Variants in SIX1 observed in about 807,000 individuals in gnomAD.
The protein encoded by SIX1 is SIX homeobox 1.
In SIX1, 11 loss-of-function variants were observed where a neutral mutation model predicts 26.5. That is an observed-to-expected ratio of 0.41 (90% confidence interval 0.26 to 0.69). The LOEUF (loss-of-function observed/expected upper bound fraction) is 0.69, where lower values mean the gene tolerates loss of function less well. SIX1 is among the 30% of genes least tolerant of loss of function. The probability of loss-of-function intolerance (pLI) is 0.28; values close to 1 mark genes in which losing one functional copy is unlikely to be tolerated. For missense variants in SIX1, 333 were observed against 365.9 expected (o/e 0.91, Z 0.73); for synonymous variants, 177 against 166.2 (o/e 1.06, Z -0.50).
rs1337123501 is a variant in SIX1, at chr14:60,646,504, G to A, written c.634C>T (p.Leu212Phe). 4 of 1,613,624 alleles carry A rather than the reference G, an allele frequency of 2.5e-6. No homozygotes were observed. The highest frequency in any genetic ancestry group is 3.4e-6 in the Non-Finnish European group (4 of 1,179,974). The change falls in exon 2 of 2, where the codon CTC (leucine) becomes TTC (phenylalanine). Residue 212 changes from leucine to phenylalanine, a missense_variant. Physicochemically the swap from Leu to Phe is conservative, Grantham distance 22. Coordinates refer to ENST00000645694, the MANE Select transcript of SIX1 (RefSeq NM_005982.4). Reference protein sequence around the residue: ...QLSPLEGGKPLMSSSEEEFSP... With the variant: ...QLSPLEGGKPFMSSSEEEFSP... ...AATTCCTCTTCTGAGCTGGACATGA[G>A]CGGCTTGCCCCCTTCCAGAGGAGAG...
At position 60,648,512 on chromosome 14, in the gene SIX1, G is replaced by A; in HGVS notation, c.560+118C>T. The A allele has an allele frequency of 9.9e-7, 1 of 1,012,494 alleles. No homozygotes were observed. The highest frequency in any genetic ancestry group is 1.5e-5 in the South Asian group (1 of 66,410). 62.7% of individuals were successfully genotyped at this position (1,012,494 alleles called of 1,614,324 possible). A position where few individuals can be genotyped will look rare whatever the true frequency, so the allele number is the denominator to read the frequency against. On this transcript the variant is annotated intron_variant, in intron 1 of 1. Coordinates refer to ENST00000645694, the MANE Select transcript of SIX1 (RefSeq NM_005982.4). The surrounding 1 kb of genome is among the most constrained non-coding windows in gnomAD (Gnocchi z 7.9). Reference sequence around the variant, plus strand: ...GCGGAGGGCCTGCGCGCCGCCCCGTGGACGGGCTCCGGCCGGCGGGGAGGA... The same window carrying A: ...GCGGAGGGCCTGCGCGCCGCCCCGTAGACGGGCTCCGGCCGGCGGGGAGGA...
Position 60,649,022 on chromosome 14 carries a change from G to A in SIX1, c.168C>T (p.Val56=). The change falls in exon 1 of 2, where the codon GTC becomes GTT. Residue 56 remains valine (V), a synonymous_variant. Transcript: ENST00000645694. This position sits in a 1 kb window ranked among gnomAD's most constrained non-coding sequence, Gnocchi z 5.1. The stretch of plus-strand genomic sequence containing the variant: ...CACGGAAGTTGCCGCGGTGGAAGGC[G>A]ACCACCGCCTTGGCCTTGAGTACGC... ...NESVLKAKAV[V]AFHRGNFREL... 6.2e-7 allele frequency: 1 copy of A among 1,613,932 alleles called. No individual in the cohort carries two copies. The highest frequency in any genetic ancestry group is 1.1e-5 in the South Asian group (1 of 91,064).
rs1430251550 is a variant in SIX1, at chr14:60,647,727, A to G, written c.560+903T>C. On this transcript the variant is annotated intron_variant, in intron 1 of 1. Transcript: ENST00000645694. The surrounding 1 kb of genome is among the most constrained non-coding windows in gnomAD (Gnocchi z 5.1). ...TCCCCCAAACTCTTTGGCTTCGCGGAGCGCTCTCCCCGCCACAGCCACCTC... is the reference window on the plus strand; with the variant it reads ...TCCCCCAAACTCTTTGGCTTCGCGGGGCGCTCTCCCCGCCACAGCCACCTC... Among the ~76,000 whole-genome samples the G allele has an allele frequency of 6.6e-6, 1 of 152,056 alleles. No individual in the cohort carries two copies. The highest frequency in any genetic ancestry group is 1.9e-4 in the East Asian group (1 of 5,180).
rs1309477905 is a variant in SIX1 at position 60,645,986 on chromosome 14, ACTGGGTGC to A, written c.*289_*296del. 5.9e-5 allele frequency: 12 copies of A among 201,708 alleles called. No homozygotes were observed. The highest frequency in any genetic ancestry group is 1.2e-4 in the Non-Finnish European group (12 of 101,994). 12.5% of individuals were successfully genotyped at this position (201,708 alleles called of 1,614,324 possible). On this transcript the variant is annotated 3_prime_UTR_variant, in exon 2 of 2. Transcript: ENST00000645694. The surrounding 1 kb of genome is among the most constrained non-coding windows in gnomAD (Gnocchi z 4.6). Reference sequence around the variant, plus strand: ...GGCGTATCAGTTGCCCAGAACTCAGACTGGGTGCCTGGGTGCTTTTGTTTGTTTGGGTT... The same window carrying A: ...GGCGTATCAGTTGCCCAGAACTCAGACTGGGTGCTTTTGTTTGTTTGGGTT...
rs73309461 is a variant in SIX1 at position 60,648,860 on chromosome 14, C to T, written c.330G>A (p.Arg110=). Residue 110 remains arginine (R), a synonymous_variant, in exon 1 of 2, where the codon CGG becomes CGA. Coordinates refer to ENST00000645694, the MANE Select transcript of SIX1 (RefSeq NM_005982.4). This position sits in a 1 kb window ranked among gnomAD's most constrained non-coding sequence, Gnocchi z 7.9. ...GCGGCAGTGGAAATTTTCGGCGCAC[C>T]CGATATTTGCCCACGGCGCCCAGGG... is the stretch of plus-strand genomic sequence containing the variant. The part of the protein sequence containing the change: ...GRPLGAVGKY[R]VRRKFPLPRT... 1.2e-4 allele frequency: 187 copies of T among 1,614,234 alleles called. No homozygotes were observed. In the African/African-American group the frequency reaches 2.3e-3, roughly 20 times the overall value.
rs202018835 is a variant in SIX1, at chr14:60,646,406, T to G, written c.732A>C (p.Ser244=). 1.9e-5 allele frequency: 30 copies of G among 1,614,070 alleles called. No individual in the cohort carries two copies. The highest frequency in any genetic ancestry group is 2.2e-5 in the Non-Finnish European group (26 of 1,180,018). The part of the protein sequence containing the change: ...LQGNMGHARS[S]NYSLPGLTAS... ...CTGTTAAGCCCGGGAGAGAATAGTT[T>G]GAGCTCCTGGCGTGGCCCATATTGC... The change falls in exon 2 of 2, where the codon TCA becomes TCC. Residue 244 remains serine, a synonymous_variant. Transcript: ENST00000645694.
chr14:60,645,059 A>AT lies in SIX1; in HGVS notation c.*1223dup, dbSNP rs1157717881. 1 of 152,218 alleles carries AT rather than the reference A, an allele frequency of 6.6e-6. No individual in the cohort carries two copies. The highest frequency in any genetic ancestry group is 1.5e-5 in the Non-Finnish European group (1 of 68,034). 9.4% of individuals were successfully genotyped at this position (152,218 alleles called of 1,614,324 possible). ...GTGGTAAACAAAATTGCATATCTAA[A>AT]TAATAGAAGTTAATAAATACCCCAA... On this transcript the variant is annotated 3_prime_UTR_variant, in exon 2 of 2. Coordinates refer to ENST00000645694, the MANE Select transcript of SIX1 (RefSeq NM_005982.4). The surrounding 1 kb of genome is among the most constrained non-coding windows in gnomAD (Gnocchi z 4.6).
At position 60,646,203 on chromosome 14, in the gene SIX1, G is replaced by A. The variant is rs1894937246; in HGVS notation, c.*80C>T. 1.5e-6 allele frequency: 2 copies of A among 1,373,314 alleles called. No individual in the cohort carries two copies. Among genetic ancestry groups the A allele is most frequent in the Non-Finnish European group, 2.0e-6 (2 of 999,076 alleles). 85.1% of individuals were successfully genotyped at this position (1,373,314 alleles called of 1,614,324 possible). ...AGAAACAAGCTGCAAAAATGTTCCT[G>A]ATTTCTATTTACAAGTGTCCCTAGT... On this transcript the variant is annotated 3_prime_UTR_variant, in exon 2 of 2. Coordinates refer to ENST00000645694, the MANE Select transcript of SIX1 (RefSeq NM_005982.4).
Position 60,648,587 on chromosome 14 carries a change from G to C in SIX1, c.560+43C>G. 6.4e-7 allele frequency: 1 copy of C among 1,559,882 alleles called. No homozygotes were observed. Among genetic ancestry groups the C allele is most frequent in the South Asian group, 1.2e-5 (1 of 86,286 alleles). ...CGGGAGGGGGCGGAGGAGAAAGGACGGCTTCCTAGGGTCGCCCGAGTCGCG... is the reference window on the plus strand; with the variant it reads ...CGGGAGGGGGCGGAGGAGAAAGGACCGCTTCCTAGGGTCGCCCGAGTCGCG... On this transcript the variant is annotated intron_variant, in intron 1 of 1. Transcript: ENST00000645694. The surrounding 1 kb of genome is among the most constrained non-coding windows in gnomAD (Gnocchi z 7.9).
rs1555365982 is a variant in SIX1 at position 60,643,422 on chromosome 14, T to TTTG, written c.*2860_*2861insCAA. On this transcript the variant is annotated 3_prime_UTR_variant, in exon 2 of 2. Transcript: ENST00000645694. ...TAAAAAATAAACATCACTCGAGTGT[T>TTTG]TTTTTTTTTTTTCATTTCACTTGGC... The TTTG allele has an allele frequency of 2.7e-5, 4 of 148,330 alleles. No homozygotes were observed. Among genetic ancestry groups the TTTG allele is most frequent in the Non-Finnish European group, 4.4e-5 (3 of 67,578 alleles). The allele number at this position is 148,330 out of a possible 1,614,324, so 9.2% of individuals were successfully genotyped here. A position where few individuals can be genotyped will look rare whatever the true frequency, so the allele number is the denominator to read the frequency against.
At chr14:60,646,657 G>A (rs1894949210) in intron 1 of SIX1, 80 bp from the exon 2 acceptor site, 9 of 1,267,830 alleles carry the variant, frequency 7.1e-6, no homozygotes, top group Admixed American at 2.3e-5. Flanking sequence ...GTGTGAGATG[G>A]AGGGAGGGGA....
Position 60,648,744 on chromosome 14 carries a change from G to A in SIX1, c.446C>T (p.Pro149Leu). 1 of 1,613,658 alleles carries A rather than the reference G, an allele frequency of 6.2e-7. No individual in the cohort carries two copies. The highest frequency in any genetic ancestry group is 1.1e-5 in the South Asian group (1 of 91,066). ...LREWYAHNPYPSPREKRELAE... is the reference protein window; with the variant it reads ...LREWYAHNPYLSPREKRELAE... ...CAGCTCCCGCTTCTCACGCGGCGAT[G>A]GGTAGGGATTGTGCGCGTACCACTC... The change falls in exon 1 of 2, where the codon CCA (proline) becomes CTA (leucine). Residue 149 changes from proline (P) to leucine (L), a missense_variant. Transcript: ENST00000645694. This position sits in a 1 kb window ranked among gnomAD's most constrained non-coding sequence, Gnocchi z 7.9.
In SIX1 at chr14:60,647,492, C is replaced by G. The variant is rs535759902; in HGVS notation, c.561-915G>C. On this transcript the variant is annotated intron_variant, in intron 1 of 1. Coordinates refer to ENST00000645694, the MANE Select transcript of SIX1 (RefSeq NM_005982.4). The surrounding 1 kb of genome is among the most constrained non-coding windows in gnomAD (Gnocchi z 5.1). ...CGCTTCCCTCGCCGCTTCCGCCTTCCGAGTGCTCGTCAGTCCTCCCGACTC... is the reference window on the plus strand; with the variant it reads ...CGCTTCCCTCGCCGCTTCCGCCTTCGGAGTGCTCGTCAGTCCTCCCGACTC... Among the ~76,000 whole-genome samples the G allele has an allele frequency of 3.9e-5, 6 of 152,338 alleles. No homozygotes were observed. The East Asian group carries it at 1.2e-3, about 29-fold the overall frequency.
In SIX1 at chr14:60,645,616, CAT is replaced by C. The variant is rs1894925511; in HGVS notation, c.*665_*666del. ...AATGGTCACGTCTATTTCTGTCTCA[CAT>C]AGAGAGCATTAAGACATTTAGGCAC... On this transcript the variant is annotated 3_prime_UTR_variant, in exon 2 of 2. Transcript: ENST00000645694. This position sits in a 1 kb window ranked among gnomAD's most constrained non-coding sequence, Gnocchi z 4.6. 6.6e-6 allele frequency: 1 copy of C among 151,986 alleles called. No homozygotes were observed. The highest frequency in any genetic ancestry group is 2.4e-5 in the African/African-American group (1 of 41,400). The allele number at this position is 151,986 out of a possible 1,614,324, so 9.4% of individuals were successfully genotyped here.
Position 60,647,797 on chromosome 14 carries a change from G to T in SIX1, c.560+833C>A, listed in dbSNP as rs1010162546. ...TCTGTCCGAAACGCTATAGAGAACA[G>T]AAGGAGCCTGCCCAGGTGGCCGAAG... On this transcript the variant is annotated intron_variant, in intron 1 of 1. Coordinates refer to ENST00000645694, the MANE Select transcript of SIX1 (RefSeq NM_005982.4). The surrounding 1 kb of genome is among the most constrained non-coding windows in gnomAD (Gnocchi z 5.1). Among the ~76,000 whole-genome samples the T allele has an allele frequency of 3.9e-5, 6 of 152,262 alleles. No individual in the cohort carries two copies. Among genetic ancestry groups the T allele is most frequent in the Admixed American group, 1.3e-4 (2 of 15,288 alleles).
At position 60,649,403 on chromosome 14, in the gene SIX1, C is replaced by A. The variant is rs1200207734; in HGVS notation, c.-214G>T. ...GAGGTTCTGGACACGGAACGGCCGG[C>A]GCACTCAGTAGCCTTTAAGGCCTTG... On this transcript the variant is annotated 5_prime_UTR_variant, in exon 1 of 2. Coordinates refer to ENST00000645694, the MANE Select transcript of SIX1 (RefSeq NM_005982.4). This position sits in a 1 kb window ranked among gnomAD's most constrained non-coding sequence, Gnocchi z 5.1. The A allele has an allele frequency of 3.1e-5, 18 of 573,142 alleles. No homozygotes were observed. Among genetic ancestry groups the A allele is most frequent in the Non-Finnish European group, 5.6e-5 (18 of 321,696 alleles). 35.5% of individuals were successfully genotyped at this position (573,142 alleles called of 1,614,324 possible).
In SIX1 at chr14:60,648,252, A is replaced by C. The variant is rs1239352195; in HGVS notation, c.560+378T>G. On this transcript the variant is annotated intron_variant, in intron 1 of 1. Transcript: ENST00000645694. This position sits in a 1 kb window ranked among gnomAD's most constrained non-coding sequence, Gnocchi z 7.9. ...GAGAGGTTCGCGAACCTCAGCTCCC[A>C]CCAAACCCCTTTCCTTGCGACACCA... 2.0e-5 allele frequency among the ~76,000 whole-genome samples: 3 copies of C among 152,074 alleles called. No individual in the cohort carries two copies. The highest frequency in any genetic ancestry group is 4.4e-5 in the Non-Finnish European group (3 of 68,024).
rs1302400098 is a variant in SIX1, at chr14:60,646,517, T to C, written c.621A>G (p.Glu207=). The C allele has an allele frequency of 1.2e-6, 2 of 1,612,736 alleles. No individual in the cohort carries two copies. Among genetic ancestry groups the C allele is most frequent in the Non-Finnish European group, 1.7e-6 (2 of 1,179,848 alleles). Residue 207 remains glutamate, a synonymous_variant, in exon 2 of 2, where the codon GAA becomes GAG. Transcript: ENST00000645694. ...AGCTGGACATGAGCGGCTTGCCCCC[T>C]TCCAGAGGAGAGAGTTGGTTCTGCT... ...SNKQNQLSPL[E]GGKPLMSSSE... is the part of the protein sequence containing the mutation.
rs1301781969 is a variant in SIX1, at chr14:60,648,715, C to T, written c.475G>A (p.Glu159Lys). The T allele has an allele frequency of 1.9e-6, 3 of 1,613,596 alleles. No individual in the cohort carries two copies. Among genetic ancestry groups the T allele is most frequent in the African/African-American group, 1.3e-5 (1 of 74,926 alleles). ...TGGGTGGTGGTGAGGCCGGTGGCCT[C>T]GGCCAGCTCCCGCTTCTCACGCGGC... ...PSPREKRELAEATGLTTTQVS... is the reference protein window; with the variant it reads ...PSPREKRELAKATGLTTTQVS... Residue 159 changes from glutamate to lysine, a missense_variant, in exon 1 of 2, where the codon GAG becomes AAG. Physicochemically the swap from Glu to Lys is moderately conservative, Grantham distance 56. Around this residue, in one of 3 missense-constraint regions of SIX1, gnomAD observed 199 missense variants for 215.2 expected, o/e 0.92. Coordinates refer to ENST00000645694, the MANE Select transcript of SIX1 (RefSeq NM_005982.4). The surrounding 1 kb of genome is among the most constrained non-coding windows in gnomAD (Gnocchi z 7.9).
Sources: allele counts gnomAD v4.1 joint callset (sites outside exome capture counted in the v4.1 genomes callset), GRCh38; gene constraint gnomAD v4.1.1; regional missense constraint gnomAD v4.1.1; non-coding constraint Gnocchi (gnomAD v3.1); transcripts MANE v1.5; gene names NCBI Gene and HGNC (gene_info 2026-07-23, HGNC 2026-07-21).